Variants in DMD observed in about 807,000 individuals in gnomAD.
DMD encodes dystrophin.
A neutral mutation model predicts 330.1 loss-of-function variants in DMD; 63 were observed. The ratio of observed to expected loss-of-function variants is 0.19; its 90% CI spans 0.16 to 0.24. DMD has a LOEUF of 0.24. Among genes scored for constraint, DMD ranks in the 10% least tolerant of loss-of-function variants. The pLI is 1.00. For synonymous variants in DMD, 1,223 were observed against 959.8 expected (o/e 1.27, Z -5.07); for missense variants, 3,344 against 2,684.1 (o/e 1.25, Z -5.43).
chrX:31,963,275 C>T (rs1272256517), intron 45 of DMD, among the ~76,000 whole-genome samples: 1 of 111,784 alleles, frequency 8.9e-6, no homozygotes, highest in Admixed American at 9.5e-5. Context: ...TTACGAATGC[C>T]TCCCATTATC....
At chrX:32,745,354 A>G (rs1460254288) in intron 7 of DMD, among the ~76,000 whole-genome samples, 9 of 112,414 alleles carry the variant, frequency 8.0e-5, no homozygotes, top group African/African-American at 2.9e-4. Flanking sequence ...TTCTGTATCA[A>G]CACAGCACTC....
chrX:33,310,893 A>C (rs1166282150), intron 1 of DMD, among the ~76,000 whole-genome samples: 2 of 111,048 alleles, frequency 1.8e-5, no homozygotes, highest in Non-Finnish European at 3.8e-5. Flanking sequence ...TGAAGAGATT[A>C]ATGGCAAGAA....
chrX:33,200,040 TAGAA>T (rs1389683536), intron 1 of DMD, among the ~76,000 whole-genome samples: 3 of 111,560 alleles, frequency 2.7e-5, no homozygotes, highest in Non-Finnish European at 5.7e-5. Context: ...ATATAAGAGA[TAGAA>T]AGAAGATAAT....
At chrX:32,463,361 A>T (rs774438230) in intron 25 of DMD, 78 bp downstream of exon 25, 1 of 985,081 alleles carries the variant, frequency 1.0e-6, no homozygotes, top group Non-Finnish European at 1.4e-6. Flanking sequence ...CTTAACCAAA[A>T]GTAACGGTGA....
At chrX:32,557,695 T>C (rs961775666) in intron 16 of DMD, among the ~76,000 whole-genome samples, 1 of 111,716 alleles carries the variant, frequency 9.0e-6, no homozygotes, top group African/African-American at 3.2e-5. Context: ...TGGTAAAGAT[T>C]TGCATCTCTA....
chrX:33,296,002 A>G (rs968099061), intron 1 of DMD, among the ~76,000 whole-genome samples: 2 of 111,746 alleles, frequency 1.8e-5, no homozygotes, highest in Non-Finnish European at 3.8e-5. Context: ...TATTTGCATT[A>G]TCTCACATAT....
At chrX:32,765,160 C>A (rs1160218605) in intron 7 of DMD, among the ~76,000 whole-genome samples, 2 of 108,955 alleles carry the variant, frequency 1.8e-5, no homozygotes, top group Non-Finnish European at 3.8e-5. Flanking sequence ...TTGTTGAATT[C>A]TACGATGATA....
intron 1 of DMD, among the ~76,000 whole-genome samples, chrX:33,321,171 G>A (rs993243123): frequency 9.0e-6 from 1 of 111,576 alleles, no homozygotes; most frequent in African/African-American, 3.3e-5. Flanking sequence ...ATGGCATCTA[G>A]AATGGTGAAT....
At chrX:32,366,359 T>G (rs771274908) in intron 34 of DMD, among the ~76,000 whole-genome samples, 1 of 111,802 alleles carries the variant, frequency 8.9e-6, no homozygotes, top group Admixed American at 9.5e-5. Context: ...ACCCTTTTTC[T>G]CCTTTCTCAA....
At chrX:31,244,684 A>C (rs1267400272) in intron 63 of DMD, among the ~76,000 whole-genome samples, 1 of 112,205 alleles carries the variant, frequency 8.9e-6, no homozygotes, top group African/African-American at 3.2e-5. Context: ...ACAACACTTT[A>C]AACATTCTAT....
chrX:31,445,774 G>A (rs922757654), intron 59 of DMD, among the ~76,000 whole-genome samples: 2 of 111,486 alleles, frequency 1.8e-5, no homozygotes, highest in African/African-American at 6.5e-5. Context: ...TTGAGCAGAA[G>A]AACCCTATGC....
At chrX:31,333,303 T>G (rs912847949) in intron 61 of DMD, among the ~76,000 whole-genome samples, 1 of 110,149 alleles carries the variant, frequency 9.1e-6, no homozygotes, top group Non-Finnish European at 1.9e-5. Flanking sequence ...AAGCTTACTA[T>G]TTTTTTTCCT....
intron 1 of DMD, among the ~76,000 whole-genome samples, chrX:33,197,229 AT>A (rs1476548187): frequency 8.9e-6 from 1 of 111,765 alleles, no homozygotes; most frequent in African/African-American, 3.3e-5. Context: ...CTAATGCTGT[AT>A]TTTTCAAATT....
At chrX:32,595,681 C>T in intron 13 of DMD, 76 bp downstream of exon 13, 4 of 1,025,271 alleles carry the variant, frequency 3.9e-6, no homozygotes, top group South Asian at 2.0e-5. Context: ...AAATTGCATT[C>T]TAAATTTTTA....
intron 2 of DMD, among the ~76,000 whole-genome samples, chrX:33,017,390 A>G (rs753922882): frequency 2.2e-4 from 24 of 111,429 alleles, no homozygotes; most frequent in Non-Finnish European, 3.8e-4. Flanking sequence ...GATAGACATT[A>G]ATACGACTAT....
At chrX:32,986,242 G>T (rs1345762998) in intron 2 of DMD, among the ~76,000 whole-genome samples, 3 of 111,646 alleles carry the variant, frequency 2.7e-5, no homozygotes, top group South Asian at 3.7e-4. Context: ...ACTAATATTT[G>T]TATTACTGCA....
chrX:31,627,971 A>C, intron 54 of DMD, 109 bp from the exon 55 acceptor site: 1 of 712,087 alleles, frequency 1.4e-6, no homozygotes, highest in Non-Finnish European at 2.1e-6. Flanking sequence ...TATACCAACA[A>C]TGGGGTGAGT....
intron 17 of DMD, among the ~76,000 whole-genome samples, chrX:32,524,185 C>T (rs1304295185): frequency 3.6e-5 from 4 of 111,475 alleles, no homozygotes; most frequent in East Asian, 2.8e-4. Context: ...CCGCCCGCCT[C>T]GGCCTCCCAA....
intron 12 of DMD, among the ~76,000 whole-genome samples, chrX:32,604,680 A>G (rs1397736571): frequency 9.1e-6 from 1 of 110,427 alleles, no homozygotes. Context: ...AAAGGACCCT[A>G]TATTTGATAA....
Sources: allele counts gnomAD v4.1 joint callset (sites outside exome capture counted in the v4.1 genomes callset), GRCh38; gene constraint gnomAD v4.1.1; transcripts MANE v1.5; gene names NCBI Gene and HGNC (gene_info 2026-07-23, HGNC 2026-07-21).